SLC7A7: variants seen among roughly 807,000 people sequenced by gnomAD.
SLC7A7 encodes solute carrier family 7 member 7.
In SLC7A7, 39 loss-of-function variants were observed where a neutral mutation model predicts 47.9. The ratio of observed to expected loss-of-function variants is 0.81; its 90% CI spans 0.63 to 1.06. The LOEUF (loss-of-function observed/expected upper bound fraction) is 1.06. SLC7A7 is among the 50% of genes least tolerant of loss of function. The pLI is 0.00. For missense variants in SLC7A7, 588 were observed against 632.0 expected (o/e 0.93, Z 0.75); for synonymous variants, 234 against 242.8 (o/e 0.96, Z 0.34).
At chr14:22,780,496 T>C (rs1298016224) in intron 2 of SLC7A7, 1 of 184,074 alleles carries the variant, frequency 5.4e-6, no homozygotes, top group Non-Finnish European at 1.2e-5. Context: ...AGTTCTGCTG[T>C]GACTTATCCA....
chr14:22,797,850 G>A (rs1375286489), intron 2 of SLC7A7, among the ~76,000 whole-genome samples: 1 of 152,212 alleles, frequency 6.6e-6, no homozygotes, highest in Non-Finnish European at 1.5e-5. Context: ...TCTAAAGGTA[G>A]ACTATGCCTG....
At position 22,773,454 on chromosome 14, in the gene SLC7A7, C is replaced by A; in HGVS notation, c.*156G>T. The A allele has an allele frequency of 5.5e-6, 4 of 721,096 alleles. No individual in the cohort carries two copies. Among genetic ancestry groups the A allele is most frequent in the East Asian group, 2.7e-5 (1 of 37,106 alleles). The allele number at this position is 721,096 out of a possible 1,614,324, so 44.7% of individuals were successfully genotyped here. A position where few individuals can be genotyped will look rare whatever the true frequency, so the allele number is the denominator to read the frequency against. ...AGTATGTAGCAAAACAAATAAATTA[C>A]TTTTCATTTCAAAAAGTAAGTTCAA... On this transcript the variant is annotated 3_prime_UTR_variant, in exon 10 of 10. Transcript: ENST00000674313.
At chr14:22,788,528 C>A (rs1446025621) in intron 2 of SLC7A7, among the ~76,000 whole-genome samples, 3 of 141,370 alleles carry the variant, frequency 2.1e-5, no homozygotes, top group African/African-American at 9.4e-5. Flanking sequence ...CATGGTGAAA[C>A]CCCCGTCTCT....
Position 22,799,522 on chromosome 14 carries a change from T to C in SLC7A7, c.499+13378A>G, listed in dbSNP as rs141534570. Among the ~76,000 whole-genome samples, 258 of 141,610 alleles carry C rather than the reference T, an allele frequency of 1.8e-3. 1 individual carries two copies. Among genetic ancestry groups the C allele is most frequent in the African/African-American group, 6.4e-3 (247 of 38,872 alleles). The allele number at this position is 141,610 out of a possible 152,430, so 92.9% of individuals were successfully genotyped here. On this transcript the variant is annotated intron_variant, in intron 2 of 9. Coordinates refer to ENST00000674313, the MANE Select transcript of SLC7A7 (RefSeq NM_003982.4). Reference sequence around the variant, plus strand: ...CAAGATGGAGTGCAGTGGAGCTGTCTCGGCTCACTGCAACCTCTTCCTCCA... The same window carrying C: ...CAAGATGGAGTGCAGTGGAGCTGTCCCGGCTCACTGCAACCTCTTCCTCCA...
chr14:22,776,817 T>C (rs2038617948), intron 4 of SLC7A7, among the ~76,000 whole-genome samples: 1 of 151,864 alleles, frequency 6.6e-6, no homozygotes, highest in Non-Finnish European at 1.5e-5. Flanking sequence ...AAAATATAAA[T>C]AATTAGCCAG....
At chr14:22,801,332 G>A (rs914395524) in intron 2 of SLC7A7, among the ~76,000 whole-genome samples, 2 of 151,942 alleles carry the variant, frequency 1.3e-5, no homozygotes, top group South Asian at 2.1e-4. Context: ...CTTGCTGCTT[G>A]GAACACTCCT....
At chr14:22,781,653 C>G (rs1273450660) in intron 2 of SLC7A7, among the ~76,000 whole-genome samples, 1 of 152,116 alleles carries the variant, frequency 6.6e-6, no homozygotes, top group Admixed American at 6.6e-5. Flanking sequence ...TCAAATCTGT[C>G]ACTCCTCCTC....
chr14:22,773,735 G>A lies in SLC7A7; in HGVS notation c.1430-19C>T. Reference sequence around the variant, plus strand: ...GCAGACCCTACAAAGAGAACTTTGAGTTGGAATTGAGAAGAGGTCAGCTGG... The same window carrying A: ...GCAGACCCTACAAAGAGAACTTTGAATTGGAATTGAGAAGAGGTCAGCTGG... On this transcript the variant is annotated intron_variant, in intron 9 of 9. Coordinates refer to ENST00000674313, the MANE Select transcript of SLC7A7 (RefSeq NM_003982.4). 6.2e-7 allele frequency: 1 copy of A among 1,612,200 alleles called. No individual in the cohort carries two copies. Among genetic ancestry groups the A allele is most frequent in the Non-Finnish European group, 8.5e-7 (1 of 1,178,328 alleles).
At chr14:22,783,302 A>G (rs1035967888) in intron 2 of SLC7A7, among the ~76,000 whole-genome samples, 1 of 151,942 alleles carries the variant, frequency 6.6e-6, no homozygotes, top group Non-Finnish European at 1.5e-5. Context: ...GCCTCAGGCA[A>G]TCCTTCCACC....
chr14:22,813,576 A>T, intron 1 of SLC7A7, 136 bp from the exon 2 acceptor site: 1 of 678,526 alleles, frequency 1.5e-6, no homozygotes, highest in South Asian at 1.7e-5. Flanking sequence ...TCTCCAGCTC[A>T]CTCATCAAAA....
rs121908678 is a variant in SLC7A7 at position 22,774,371 on chromosome 14, G to T, written c.1228C>A (p.Arg410=). Residue 410 remains arginine (R), a synonymous_variant, in exon 8 of 10, where the codon CGA becomes AGA. Coordinates refer to ENST00000674313, the MANE Select transcript of SLC7A7 (RefSeq NM_003982.4). ...TGCCTTACCTTGAGGGGACGAGGTC[G>T]ATCAGGCTCCTTCCAGCGCAGATAA... ...QLYLRWKEPD[R]PRPLKLSVFF... 2.0e-5 allele frequency: 33 copies of T among 1,614,006 alleles called. No homozygotes were observed. The highest frequency in any genetic ancestry group is 2.5e-5 in the Non-Finnish European group (30 of 1,180,034).
At chr14:22,810,749 G>A (rs1335400269) in intron 2 of SLC7A7, among the ~76,000 whole-genome samples, 5 of 151,934 alleles carry the variant, frequency 3.3e-5, no homozygotes, top group Middle Eastern at 3.4e-3. Flanking sequence ...AGGCCAAGGC[G>A]GGCGGATCAC....
intron 2 of SLC7A7, among the ~76,000 whole-genome samples, chr14:22,803,850 A>C (rs559758599): frequency 2.8e-4 from 42 of 152,262 alleles, no homozygotes; most frequent in Middle Eastern, 3.4e-3. Context: ...GACTATGTCT[A>C]CCTCGCTTCC....
At chr14:22,776,462 G>A in intron 4 of SLC7A7, 144 bp from the exon 5 acceptor site, 1 of 1,067,442 alleles carries the variant, frequency 9.4e-7, no homozygotes, top group Non-Finnish European at 1.4e-6. Context: ...GTCTTTGACG[G>A]TGCCCTGGAT....
intron 2 of SLC7A7, among the ~76,000 whole-genome samples, chr14:22,804,265 G>A (rs2039163979): frequency 6.6e-6 from 1 of 151,960 alleles, no homozygotes; most frequent in Non-Finnish European, 1.5e-5. Context: ...AAAAATCTAG[G>A]GTTTTATAGC....
intron 2 of SLC7A7, among the ~76,000 whole-genome samples, chr14:22,804,522 A>G (rs1484278404): frequency 6.6e-6 from 1 of 151,548 alleles, no homozygotes; most frequent in Non-Finnish European, 1.5e-5. Context: ...TACAAGAAAG[A>G]AACAAACAAT....
At chr14:22,812,785 A>ATG in intron 2 of SLC7A7, 115 bp downstream of exon 2, 1 of 705,584 alleles carries the variant, frequency 1.4e-6, no homozygotes, top group East Asian at 3.0e-5. Flanking sequence ...ATATATATAT[A>ATG]TATATATGTT....
In SLC7A7 at chr14:22,813,416, C is replaced by T. The variant is rs72552273; in HGVS notation, c.-18G>A. ...TCAACCATGGTGGAGGAGAGGAAAC[C>T]CTTCACCAGCTTCCTGGCATTGCCC... On this transcript the variant is annotated 5_prime_UTR_variant, in exon 2 of 10. Coordinates refer to ENST00000674313, the MANE Select transcript of SLC7A7 (RefSeq NM_003982.4). 891 of 1,607,792 alleles carry T rather than the reference C, an allele frequency of 5.5e-4. 3 individuals carry two copies. Among genetic ancestry groups the T allele is most frequent in the African/African-American group, 5.3e-3 (394 of 75,042 alleles).
chr14:22,807,795 T>C (rs1188679188), intron 2 of SLC7A7, among the ~76,000 whole-genome samples: 2 of 152,146 alleles, frequency 1.3e-5, no homozygotes, highest in Non-Finnish European at 2.9e-5. Context: ...GCTATATTTA[T>C]TTTCAAAATT....
Sources: allele counts gnomAD v4.1 joint callset (sites outside exome capture counted in the v4.1 genomes callset), GRCh38; gene constraint gnomAD v4.1.1; transcripts MANE v1.5; gene names NCBI Gene and HGNC (gene_info 2026-07-23, HGNC 2026-07-21).